NRXN3: variants seen among roughly 807,000 people sequenced by gnomAD.
NRXN3 encodes the protein neurexin 3, also known as neurexin III.
In NRXN3, 32 loss-of-function variants were observed where a neutral mutation model predicts 137.6. The observed-to-expected ratio is 0.23, with a 90% CI of 0.18 to 0.31. The LOEUF is 0.31. Among genes scored for constraint, NRXN3 ranks in the 10% least tolerant of loss-of-function variants. The pLI is 1.00. For missense variants in NRXN3, 1,574 were observed against 2,062.5 expected (o/e 0.76, Z 4.59); for synonymous variants, 798 against 784.5 (o/e 1.02, Z -0.29).
At chr14:79,778,233 G>T (rs2099103471) in intron 19 of NRXN3, among the ~76,000 whole-genome samples, 1 of 152,110 alleles carries the variant, frequency 6.6e-6, no homozygotes, top group African/African-American at 2.4e-5. Context: ...CGGCCAGCAT[G>T]GTGAAACCCT....
intron 4 of NRXN3, among the ~76,000 whole-genome samples, chr14:78,571,791 T>C (rs905709125): frequency 6.6e-6 from 1 of 152,188 alleles, no homozygotes; most frequent in Admixed American, 6.5e-5. Context: ...GTCTGTGTTA[T>C]AACAGGGAAT....
intron 15 of NRXN3, among the ~76,000 whole-genome samples, chr14:79,152,130 C>G (rs965671032): frequency 2.0e-5 from 3 of 151,928 alleles, no homozygotes; most frequent in South Asian, 2.1e-4. Context: ...CTACAGACAC[C>G]GTGCTGTTTC....
At chr14:78,628,483 G>C (rs1326553489) in intron 4 of NRXN3, among the ~76,000 whole-genome samples, 1 of 152,190 alleles carries the variant, frequency 6.6e-6, no homozygotes, top group Non-Finnish European at 1.5e-5. Flanking sequence ...TGTTTTCACT[G>C]TCAACCTGGC....
chr14:79,131,944 G>C (rs2057556566), intron 15 of NRXN3, among the ~76,000 whole-genome samples: 1 of 152,252 alleles, frequency 6.6e-6, no homozygotes, highest in Admixed American at 6.5e-5. Flanking sequence ...CGATTTTCCA[G>C]GTGCTGTCTG....
chr14:79,567,559 G>A (rs1283950436), intron 16 of NRXN3, among the ~76,000 whole-genome samples: 1 of 151,952 alleles, frequency 6.6e-6, no homozygotes, highest in East Asian at 1.9e-4. Flanking sequence ...GCTTCTGAAT[G>A]TTATTTTCTT....
chr14:79,759,161 G>C (rs1409494634), intron 19 of NRXN3, among the ~76,000 whole-genome samples: 1 of 152,136 alleles, frequency 6.6e-6, no homozygotes, highest in African/African-American at 2.4e-5. Context: ...CTCCCTGACA[G>C]TAAGAAGTTA....
At chr14:79,164,050 C>T (rs1441004047) in intron 15 of NRXN3, among the ~76,000 whole-genome samples, 1 of 151,880 alleles carries the variant, frequency 6.6e-6, no homozygotes, top group Non-Finnish European at 1.5e-5. Context: ...ACTCTGACCT[C>T]ACTAGCTCTT....
At chr14:79,284,140 C>A in intron 15 of NRXN3, among the ~76,000 whole-genome samples, 1 of 150,614 alleles carries the variant, frequency 6.6e-6, no homozygotes, top group South Asian at 2.1e-4. Context: ...ATTACATAAG[C>A]AACTTTTGTA....
intron 10 of NRXN3, among the ~76,000 whole-genome samples, chr14:78,887,129 C>T (rs769684702): frequency 2.0e-5 from 3 of 152,200 alleles, no homozygotes; most frequent in South Asian, 4.1e-4. Flanking sequence ...ACTGTGTGCT[C>T]GACACTGTAC....
chr14:79,212,182 T>C (rs928394528), intron 15 of NRXN3, among the ~76,000 whole-genome samples: 7 of 152,186 alleles, frequency 4.6e-5, no homozygotes, highest in African/African-American at 1.7e-4. Flanking sequence ...GTGAGCATCA[T>C]TGTGTTTGGG....
intron 4 of NRXN3, among the ~76,000 whole-genome samples, chr14:78,371,580 G>A (rs929562266): frequency 6.6e-6 from 1 of 152,224 alleles, no homozygotes; most frequent in Non-Finnish European, 1.5e-5. Flanking sequence ...TCCATGGACA[G>A]CAAAGCTAAA....
intron 15 of NRXN3, among the ~76,000 whole-genome samples, chr14:79,369,601 G>A (rs1344549893): frequency 2.6e-5 from 4 of 152,160 alleles, no homozygotes; most frequent in Non-Finnish European, 5.9e-5. Flanking sequence ...CTGTAGCGGT[G>A]TGGGCCCATT....
intron 10 of NRXN3, among the ~76,000 whole-genome samples, chr14:78,900,865 T>G (rs765518031): frequency 2.0e-5 from 3 of 151,950 alleles, no homozygotes; most frequent in Non-Finnish European, 4.4e-5. Context: ...TCATAAATCA[T>G]CTCATTATTC....
At chr14:79,289,938 CAT>C (rs769347020) in intron 15 of NRXN3, among the ~76,000 whole-genome samples, 1 of 152,150 alleles carries the variant, frequency 6.6e-6, no homozygotes, top group Non-Finnish European at 1.5e-5. Flanking sequence ...GCTATGAAAA[CAT>C]AAAGCCCCTG....
intron 15 of NRXN3, chr14:79,280,112 T>G: frequency 7.1e-7 from 1 of 1,412,934 alleles, no homozygotes. Flanking sequence ...TTTTTTTTCT[T>G]TCTTTAAGTA....
chr14:78,418,831 G>A (rs1205495456), intron 4 of NRXN3, among the ~76,000 whole-genome samples: 1 of 152,184 alleles, frequency 6.6e-6, no homozygotes, highest in African/African-American at 2.4e-5. Flanking sequence ...ATAACTTTAT[G>A]AGGCAGATAC....
intron 10 of NRXN3, among the ~76,000 whole-genome samples, chr14:78,917,479 G>A (rs373912930): frequency 1.3e-5 from 2 of 152,142 alleles, no homozygotes; most frequent in African/African-American, 4.8e-5. Context: ...AAAAAGGAAA[G>A]AAGCCTTATA....
intron 15 of NRXN3, among the ~76,000 whole-genome samples, chr14:79,033,819 G>A (rs1016423510): frequency 1.3e-5 from 2 of 152,086 alleles, no homozygotes; most frequent in Admixed American, 6.6e-5. Context: ...GACACAATGA[G>A]GCCTTCAGCT....
chr14:78,421,880 T>C (rs1197266052), intron 4 of NRXN3, among the ~76,000 whole-genome samples: 5 of 152,106 alleles, frequency 3.3e-5, no homozygotes, highest in African/African-American at 1.2e-4. Flanking sequence ...TATAATCACA[T>C]ATTGTCTTTG....
Sources: allele counts gnomAD v4.1 joint callset (sites outside exome capture counted in the v4.1 genomes callset), GRCh38; gene constraint gnomAD v4.1.1; transcripts MANE v1.5; gene names NCBI Gene and HGNC (gene_info 2026-07-23, HGNC 2026-07-21).